The following PIP4K2B variants were observed in gnomAD, a reference collection of about 807,000 sequenced individuals.
The protein encoded by PIP4K2B is phosphatidylinositol-5-phosphate 4-kinase type 2 beta, also known as phosphatidylinositol 5-phosphate 4-kinase type-2 beta.
A neutral mutation model predicts 42.0 loss-of-function variants in PIP4K2B; 3 were observed. The ratio of observed to expected loss-of-function variants is 0.07; its 90% CI spans 0.03 to 0.18. PIP4K2B has a LOEUF of 0.18. PIP4K2B is among the 10% of genes least tolerant of loss of function. The pLI, the probability that PIP4K2B is intolerant of heterozygous loss-of-function variation, is 1.00. For missense variants in PIP4K2B, 332 were observed against 562.3 expected (o/e 0.59, Z 4.14); for synonymous variants, 204 against 210.1 (o/e 0.97, Z 0.25).
At chr17:38,784,449 T>C in intron 2 of PIP4K2B, 110 bp from the exon 3 acceptor site, 1 of 646,202 alleles carries the variant, frequency 1.5e-6, no homozygotes. Context: ...TTGCCCAGAC[T>C]GGTCTTGAAC....
At chr17:38,772,319 C>T (rs1909092014) in intron 7 of PIP4K2B, among the ~76,000 whole-genome samples, 1 of 152,126 alleles carries the variant, frequency 6.6e-6, no homozygotes, top group Admixed American at 6.5e-5. Flanking sequence ...AAATAGTGTA[C>T]CATTCCGAGT....
intron 3 of PIP4K2B, among the ~76,000 whole-genome samples, chr17:38,783,325 G>A (rs1027484102): frequency 3.9e-5 from 6 of 152,040 alleles, no homozygotes; most frequent in African/African-American, 1.4e-4. Flanking sequence ...GCTAAGAGGA[G>A]AAGTGACAGA....
intron 7 of PIP4K2B, among the ~76,000 whole-genome samples, chr17:38,774,663 G>A (rs1261899902): frequency 6.6e-6 from 1 of 151,802 alleles, no homozygotes; most frequent in Non-Finnish European, 1.5e-5. Context: ...CCAGCTACTC[G>A]GGAGGCTGAG....
intron 2 of PIP4K2B, among the ~76,000 whole-genome samples, chr17:38,786,273 G>GCA (rs1319986918): frequency 1.3e-5 from 2 of 152,222 alleles, no homozygotes; most frequent in African/African-American, 4.8e-5. Flanking sequence ...AGGTGTGGCG[G>GCA]CCGCTAGTGT....
At position 38,771,203 on chromosome 17, in the gene PIP4K2B, G is replaced by C; in HGVS notation, c.877C>G (p.Gln293Glu). 1.2e-6 allele frequency: 2 copies of C among 1,614,052 alleles called. No individual in the cohort carries two copies. The highest frequency in any genetic ancestry group is 1.7e-6 in the Non-Finnish European group (2 of 1,180,014). ...CGCTCCTCCACCTCCATCTCCTCCTGCTCTGCCCGGTCCACGTCGTGGATG... is the reference window on the plus strand; with the variant it reads ...CGCTCCTCCACCTCCATCTCCTCCTCCTCTGCCCGGTCCACGTCGTGGATG... ...VGIHDVDRAEQEEMEVEERAE... is the reference protein window; with the variant it reads ...VGIHDVDRAEEEEMEVEERAE... Residue 293 changes from glutamine (Q) to glutamate (E), a missense_variant, in exon 8 of 10, where the codon CAG becomes GAG. Around this residue, in one of 6 missense-constraint regions of PIP4K2B, gnomAD observed 15 missense variants for 45.2 expected, o/e 0.33. Transcript: ENST00000619039.
rs1032123268 is a variant in PIP4K2B at position 38,769,538 on chromosome 17, T to C, written c.*153A>G. The C allele has an allele frequency of 1.5e-6, 1 of 687,858 alleles. No individual in the cohort carries two copies. The highest frequency in any genetic ancestry group is 1.8e-5 in the African/African-American group (1 of 57,106). The allele number at this position is 687,858 out of a possible 1,614,324, so 42.6% of individuals were successfully genotyped here. A position where few individuals can be genotyped will look rare whatever the true frequency, so the allele number is the denominator to read the frequency against. On this transcript the variant is annotated 3_prime_UTR_variant, in exon 10 of 10. Transcript: ENST00000619039. ...CCCCTCCTCTTCAGCTAAAGTCTCT[T>C]TCGGTGTCACAGGCTGCAGTCTCAT...
At position 38,775,952 on chromosome 17, in the gene PIP4K2B, T is replaced by C. The variant is rs1157070376; in HGVS notation, c.807+1735A>G. 9.1e-6 allele frequency: 4 copies of C among 441,086 alleles called. No individual in the cohort carries two copies. The East Asian group carries it at 2.1e-4, about 23-fold the overall frequency. The allele number at this position is 441,086 out of a possible 1,614,324, so 27.3% of individuals were successfully genotyped here. ...CATTATGCTAAGCAAAATAACAGAG[T>C]CACAAAAGGACAACTGCTGTTTGCT... On this transcript the variant is annotated intron_variant, in intron 7 of 9. Coordinates refer to ENST00000619039, the MANE Select transcript of PIP4K2B (RefSeq NM_003559.5).
At chr17:38,779,032 T>C (rs560089701) in intron 5 of PIP4K2B, among the ~76,000 whole-genome samples, 53 of 152,300 alleles carry the variant, frequency 3.5e-4, no homozygotes, top group Middle Eastern at 6.8e-3. Context: ...CAGCCACAAG[T>C]GTGTCCTTCT....
chr17:38,790,953 T>C (rs961671153), intron 1 of PIP4K2B, among the ~76,000 whole-genome samples: 2 of 152,162 alleles, frequency 1.3e-5, no homozygotes, highest in East Asian at 1.9e-4. Context: ...ACTGTTCCTA[T>C]TGAAATATCT....
intron 7 of PIP4K2B, among the ~76,000 whole-genome samples, chr17:38,776,966 C>T (rs1339669493): frequency 1.3e-5 from 2 of 152,192 alleles, no homozygotes; most frequent in Non-Finnish European, 2.9e-5. Flanking sequence ...GGCATGATCA[C>T]AGCTCATGTT....
chr17:38,773,505 T>C (rs1909158684), intron 7 of PIP4K2B, among the ~76,000 whole-genome samples: 1 of 152,138 alleles, frequency 6.6e-6, no homozygotes, highest in South Asian at 2.1e-4. Flanking sequence ...AAGTATGGAA[T>C]GATACAGGAT....
chr17:38,786,686 C>T (rs16968379), intron 2 of PIP4K2B, 137 bp downstream of exon 2: 9 of 701,816 alleles, frequency 1.3e-5, no homozygotes, highest in Admixed American at 6.6e-5. Context: ...CCAGTTTGTC[C>T]GCTCTGAGAT....
At chr17:38,788,331 G>C (rs2143447405) in intron 1 of PIP4K2B, among the ~76,000 whole-genome samples, 1 of 152,040 alleles carries the variant, frequency 6.6e-6, no homozygotes, top group East Asian at 1.9e-4. Flanking sequence ...CTCCAGAGTA[G>C]CTGGGACTAC....
chr17:38,786,469 T>C (rs1208867903), intron 2 of PIP4K2B, among the ~76,000 whole-genome samples: 2 of 152,208 alleles, frequency 1.3e-5, no homozygotes, highest in Non-Finnish European at 2.9e-5. Context: ...GGCAACCTCC[T>C]GCCTCAGACT....
intron 1 of PIP4K2B, among the ~76,000 whole-genome samples, chr17:38,793,048 C>T (rs1910423248): frequency 6.6e-6 from 1 of 152,024 alleles, no homozygotes; most frequent in African/African-American, 2.4e-5. Context: ...CCTGCCTCAG[C>T]CTCTTGGGTA....
chr17:38,781,669 A>G lies in PIP4K2B; in HGVS notation c.355-1065T>C, dbSNP rs1909725664. Among the ~76,000 whole-genome samples the G allele has an allele frequency of 5.3e-5, 8 of 152,022 alleles. No individual in the cohort carries two copies. The South Asian group carries it at 1.7e-3, about 32-fold the overall frequency. ...GTAGCTGGGACTACAGGTGTGCACC[A>G]ACATGCCCGGCTTATTTTTGTAGCT... On this transcript the variant is annotated intron_variant, in intron 3 of 9. Transcript: ENST00000619039.
chr17:38,793,239 A>ATT lies in PIP4K2B; in HGVS notation c.159+6025_159+6026dup, dbSNP rs1350888965. Among the ~76,000 whole-genome samples the ATT allele has an allele frequency of 1.6e-4, 19 of 120,572 alleles. 1 individual carries two copies. The highest frequency in any genetic ancestry group is 5.0e-4 in the East Asian group (2 of 4,004). The allele number at this position is 120,572 out of a possible 152,430, so 79.1% of individuals were successfully genotyped here. A position where few individuals can be genotyped will look rare whatever the true frequency, so the allele number is the denominator to read the frequency against. On this transcript the variant is annotated intron_variant, in intron 1 of 9. Coordinates refer to ENST00000619039, the MANE Select transcript of PIP4K2B (RefSeq NM_003559.5). ...CCACTGCTCCCAGCCATCTCTGAAG[A>ATT]TTTTTTCTTTTTTTTTTTTTTTTGA...
intron 1 of PIP4K2B, among the ~76,000 whole-genome samples, chr17:38,795,347 C>T (rs1910598159): frequency 6.6e-6 from 1 of 152,154 alleles, no homozygotes; most frequent in African/African-American, 2.4e-5. Flanking sequence ...TGGCTCATGC[C>T]TGCAATCCCA....
intron 1 of PIP4K2B, among the ~76,000 whole-genome samples, chr17:38,789,159 T>A (rs1247440322): frequency 6.6e-6 from 1 of 152,180 alleles, no homozygotes; most frequent in Admixed American, 6.5e-5. Context: ...GTTCCTGATG[T>A]CAAGTCCTGC....
Sources: gnomAD v4.1 joint callset for allele counts (sites outside exome capture counted in the v4.1 genomes callset) on GRCh38, gnomAD v4.1.1 for gene constraint, gnomAD v4.1.1 regional missense constraint, MANE v1.5 for transcripts, NCBI Gene and HGNC (gene_info 2026-07-23, HGNC 2026-07-21) for gene names.